The following GRB10 variants were observed in gnomAD, a reference collection of about 807,000 sequenced individuals.
GRB10 encodes growth factor receptor bound protein 10, also known as growth factor receptor-bound protein 10.
In GRB10, 20 loss-of-function variants were observed where a neutral mutation model predicts 80.9. The observed-to-expected ratio is 0.25, with a 90% CI of 0.17 to 0.36. The LOEUF (loss-of-function observed/expected upper bound fraction) is 0.36. Among genes scored for constraint, GRB10 ranks in the 10% least tolerant of loss-of-function variants. GRB10 has a pLI of 1.00. For synonymous variants in GRB10, 291 were observed against 291.5 expected, an observed-to-expected ratio of 1.00 and a Z score of 0.02; for missense variants, 548 against 747.7, an observed-to-expected ratio of 0.73 and a Z score of 3.12.
intron 2 of GRB10, among the ~76,000 whole-genome samples, chr7:50,772,107 C>T (rs762102752): frequency 9.9e-5 from 15 of 152,170 alleles, no homozygotes; most frequent in Non-Finnish European, 1.8e-4. Flanking sequence ...AACACCACCA[C>T]GGCCCTATGG....
intron 7 of GRB10, among the ~76,000 whole-genome samples, chr7:50,636,237 C>T (rs778136567): frequency 1.3e-5 from 2 of 152,092 alleles, no homozygotes; most frequent in Admixed American, 6.6e-5. Flanking sequence ...CCTCAGCCTC[C>T]CAAAGTGCTG....
chr7:50,723,270 CTTAT>C (rs1290148045), intron 4 of GRB10, among the ~76,000 whole-genome samples: 1 of 152,058 alleles, frequency 6.6e-6, no homozygotes. Context: ...CAGGTGTTTC[CTTAT>C]TTAGAGTCAT....
At chr7:50,704,208 G>A (rs1049629106) in intron 4 of GRB10, among the ~76,000 whole-genome samples, 1 of 152,138 alleles carries the variant, frequency 6.6e-6, no homozygotes, top group African/African-American at 2.4e-5. Context: ...AATTTAGGCA[G>A]TGAATAGAAA....
intron 2 of GRB10, among the ~76,000 whole-genome samples, chr7:50,771,353 A>G (rs1042394970): frequency 3.3e-5 from 5 of 152,176 alleles, no homozygotes; most frequent in African/African-American, 9.7e-5. Context: ...AAGTGGCTCA[A>G]CTGTTCTCCC....
intron 5 of GRB10, among the ~76,000 whole-genome samples, chr7:50,690,157 G>A (rs1253019580): frequency 2.0e-5 from 3 of 152,052 alleles, no homozygotes; most frequent in African/African-American, 2.4e-5. Context: ...TTAGCTGGGC[G>A]TGGTGGTGCA....
intron 4 of GRB10, among the ~76,000 whole-genome samples, chr7:50,713,295 C>T (rs1371109282): frequency 3.9e-5 from 6 of 151,960 alleles, no homozygotes; most frequent in Non-Finnish European, 8.8e-5. Context: ...GTCACTACCT[C>T]CCCTCCCGAC....
At chr7:50,792,243 C>T (rs761263200) in intron 1 of GRB10, among the ~76,000 whole-genome samples, 17 of 151,836 alleles carry the variant, frequency 1.1e-4, no homozygotes, top group Non-Finnish European at 1.9e-4. Flanking sequence ...TTCCCCCCTC[C>T]CCCCCATCTC....
intron 3 of GRB10, among the ~76,000 whole-genome samples, chr7:50,739,168 G>A (rs1345419046): frequency 3.3e-5 from 5 of 152,042 alleles, no homozygotes; most frequent in Non-Finnish European, 7.4e-5. Flanking sequence ...TTGTGTTTCC[G>A]ATTATATGGG....
intron 2 of GRB10, among the ~76,000 whole-genome samples, chr7:50,762,760 T>C (rs2075897954): frequency 6.6e-6 from 1 of 152,184 alleles, no homozygotes. Context: ...ATTCTCAACC[T>C]AGAAGCCATG....
intron 2 of GRB10, chr7:50,779,759 A>G (rs2078087366): frequency 6.6e-6 from 1 of 152,300 alleles, no homozygotes; most frequent in Non-Finnish European, 1.5e-5. Context: ...CAACACTCAG[A>G]AGCTGGCTCC....
rs1473827142 is a variant in GRB10 at position 50,674,531 on chromosome 7, C to G, written c.267G>C (p.Gln89His). 2 of 1,611,208 alleles carry G rather than the reference C, an allele frequency of 1.2e-6. No homozygotes were observed. The highest frequency in any genetic ancestry group is 4.5e-5 in the East Asian group (2 of 44,870). Reference protein sequence around the residue: ...LLQNGQHARSQPRASGPPRSI... With the variant: ...LLQNGQHARSHPRASGPPRSI... ...ACCGAGGAGGGCCTGAAGCCCGAGG[C>G]TGGCTGCGGGCATGCTGGCCATTCT... is the stretch of plus-strand genomic sequence containing the variant. Residue 89 changes from glutamine (Q) to histidine (H), a missense_variant, in exon 6 of 19, where the codon CAG becomes CAC. Transcript: ENST00000401949.
At position 50,605,474 on chromosome 7, in the gene GRB10, C is replaced by T. The variant is rs7800827; in HGVS notation, c.1273-68G>A. The T allele has an allele frequency of 5.9e-3, 7,464 of 1,256,084 alleles. 298 individuals carry two copies. In the African/African-American group the frequency reaches 0.09, roughly 15 times the overall value. 77.8% of individuals were successfully genotyped at this position (1,256,084 alleles called of 1,614,324 possible). Reference sequence around the variant, plus strand: ...GGCAGAGTGGAGTCTTGGCATGAAACTATCATCAAGACGGTCAGGAAAGGG... The same window carrying T: ...GGCAGAGTGGAGTCTTGGCATGAAATTATCATCAAGACGGTCAGGAAAGGG... On this transcript the variant is annotated intron_variant, in intron 14 of 18. Transcript: ENST00000401949.
chr7:50,728,225 T>C (rs1361317175), intron 4 of GRB10, among the ~76,000 whole-genome samples: 1 of 133,704 alleles, frequency 7.5e-6, no homozygotes, highest in Non-Finnish European at 1.6e-5. Context: ...GGGGGGGGGG[T>C]GTAGTACTTA....
intron 4 of GRB10, among the ~76,000 whole-genome samples, chr7:50,710,016 T>G (rs534695386): frequency 1.3e-5 from 2 of 152,198 alleles, no homozygotes; most frequent in African/African-American, 4.8e-5. Context: ...GGGTGCTCAC[T>G]ATGTAGAATG....
intron 7 of GRB10, among the ~76,000 whole-genome samples, chr7:50,627,415 G>T (rs1352566705): frequency 6.6e-6 from 1 of 152,116 alleles, no homozygotes; most frequent in African/African-American, 2.4e-5. Context: ...AACCTTTGAC[G>T]AGTCGACCTG....
rs1241627390 is a variant in GRB10 at position 50,732,387 on chromosome 7, G to A, written c.-46-19C>T. 2.8e-6 allele frequency: 4 copies of A among 1,409,012 alleles called. No homozygotes were observed. In the African/African-American group the frequency reaches 4.3e-5, roughly 15 times the overall value. 87.3% of individuals were successfully genotyped at this position (1,409,012 alleles called of 1,614,324 possible). ...GCAGCACCTGGAATAAAGACAGACT[G>A]TGAGAAGCCAAGCCAGAAAAAAAAA... is the stretch of plus-strand genomic sequence containing the variant. On this transcript the variant is annotated intron_variant, in intron 3 of 18. Coordinates refer to ENST00000401949, the MANE Select transcript of GRB10 (RefSeq NM_001350814.2).
At chr7:50,631,032 C>T (rs1167163684) in intron 7 of GRB10, among the ~76,000 whole-genome samples, 1 of 152,268 alleles carries the variant, frequency 6.6e-6, no homozygotes, top group East Asian at 1.9e-4. Flanking sequence ...CCCCAAACTC[C>T]ACTCTGGGGC....
At chr7:50,593,979 TTTC>T (rs200915755) in intron 18 of GRB10, among the ~76,000 whole-genome samples, 4 of 151,028 alleles carry the variant, frequency 2.6e-5, no homozygotes, top group Non-Finnish European at 4.4e-5. Context: ...GCCCCCTTTC[TTTC>T]TTTTTTTTTT....
intron 3 of GRB10, among the ~76,000 whole-genome samples, chr7:50,738,531 T>C (rs2071192487): frequency 1.3e-5 from 2 of 152,198 alleles, no homozygotes; most frequent in Admixed American, 6.5e-5. Context: ...CTCAAATTCA[T>C]GGGATCAAGC....
Sources: allele counts gnomAD v4.1 joint callset (sites outside exome capture counted in the v4.1 genomes callset), GRCh38; gene constraint gnomAD v4.1.1; transcripts MANE v1.5; gene names NCBI Gene and HGNC (gene_info 2026-07-23, HGNC 2026-07-21).